TMEM132C: variants seen among roughly 807,000 people sequenced by gnomAD.
TMEM132C encodes protein phosphatase 1, regulatory subunit 152.
TMEM132C carries 29 observed loss-of-function variants against 61.4 expected under a neutral mutation model. The observed-to-expected ratio is 0.47, with a 90% CI of 0.35 to 0.64. TMEM132C has a LOEUF of 0.64. Ranked by LOEUF, TMEM132C falls within the 30% of genes least tolerant of loss-of-function variation. The probability of loss-of-function intolerance (pLI) is 0.00; values close to 1 mark genes in which losing one functional copy is unlikely to be tolerated. For synonymous variants in TMEM132C, 656 were observed against 633.1 expected (o/e 1.04, Z -0.54); for missense variants, 1,408 against 1,476.9 (o/e 0.95, Z 0.76).
chr12:128,666,070 AACACACAGGCACAC>A (rs1323337940), intron 4 of TMEM132C, among the ~76,000 whole-genome samples: 5 of 41,394 alleles, frequency 1.2e-4, no homozygotes, highest in Admixed American at 9.2e-4. Flanking sequence ...CTCATACACA[AACACACAGGCACAC>A]ACACACAGGC....
At chr12:128,585,811 T>G (rs1875523924) in intron 3 of TMEM132C, among the ~76,000 whole-genome samples, 1 of 152,230 alleles carries the variant, frequency 6.6e-6, no homozygotes, top group Non-Finnish European at 1.5e-5. Flanking sequence ...TACTGTAGAA[T>G]TCCACTTAGC....
chr12:128,501,480 A>C (rs912319995), intron 2 of TMEM132C, among the ~76,000 whole-genome samples: 1 of 152,182 alleles, frequency 6.6e-6, no homozygotes, highest in Non-Finnish European at 1.5e-5. Flanking sequence ...TCATCCTTAT[A>C]ATGGTTACAG....
At chr12:128,590,700 G>T (rs149371163) in intron 3 of TMEM132C, among the ~76,000 whole-genome samples, 2 of 152,212 alleles carry the variant, frequency 1.3e-5, no homozygotes, top group South Asian at 4.1e-4. Context: ...CTGTCCAGGG[G>T]CAAGGGGTGT....
Position 128,314,550 on chromosome 12 carries a change from TAG to T in TMEM132C, c.85+47066_85+47067del, listed in dbSNP as rs200785318. ...CCCAGAGTGTCACTTTAGCTGGAAA[TAG>T]AGTCATTGCAGATATAATTAGTTGA... On this transcript the variant is annotated intron_variant, in intron 1 of 8. Coordinates refer to ENST00000435159, the MANE Select transcript of TMEM132C (RefSeq NM_001136103.3). 6.6e-5 allele frequency among the ~76,000 whole-genome samples: 10 copies of T among 152,116 alleles called. No individual in the cohort carries two copies. In the East Asian group the frequency reaches 1.7e-3, roughly 26 times the overall value.
At chr12:128,334,761 A>G (rs1202305519) in intron 1 of TMEM132C, among the ~76,000 whole-genome samples, 1 of 151,914 alleles carries the variant, frequency 6.6e-6, no homozygotes, top group Non-Finnish European at 1.5e-5. Flanking sequence ...ATGCCTGGCT[A>G]ATTTTTTTGT....
At chr12:128,271,835 A>G (rs532236700) in intron 1 of TMEM132C, among the ~76,000 whole-genome samples, 2 of 152,376 alleles carry the variant, frequency 1.3e-5, no homozygotes, top group South Asian at 2.1e-4. Flanking sequence ...TAACACCTCC[A>G]TGAGCAGAGG....
chr12:128,387,140 CAA>C (rs34160455), intron 1 of TMEM132C, among the ~76,000 whole-genome samples: 14 of 85,616 alleles, frequency 1.6e-4, no homozygotes, highest in Middle Eastern at 6.2e-3. Flanking sequence ...GACTCTGCCT[CAA>C]AAAAAAAAAA....
At chr12:128,533,902 GCACACACATGCATACA>G (rs899048274) in intron 2 of TMEM132C, among the ~76,000 whole-genome samples, 7 of 151,450 alleles carry the variant, frequency 4.6e-5, no homozygotes, top group Admixed American at 2.0e-4. Flanking sequence ...TCCCATCCGT[GCACACACATGCATACA>G]CACACACATG....
intron 3 of TMEM132C, among the ~76,000 whole-genome samples, chr12:128,561,187 C>A (rs925395169): frequency 6.6e-6 from 1 of 152,206 alleles, no homozygotes; most frequent in Admixed American, 6.5e-5. Context: ...GTTTTTATGT[C>A]AATGTTGTAC....
intron 2 of TMEM132C, among the ~76,000 whole-genome samples, chr12:128,429,880 C>T (rs1869328742): frequency 6.6e-6 from 1 of 152,148 alleles, no homozygotes; most frequent in South Asian, 2.1e-4. Context: ...AATGTGGGGC[C>T]ACTGCTCCGT....
chr12:128,327,573 C>T (rs756294342), intron 1 of TMEM132C, among the ~76,000 whole-genome samples: 2 of 151,964 alleles, frequency 1.3e-5, no homozygotes, highest in African/African-American at 4.8e-5. Flanking sequence ...TTAGTAGAGA[C>T]GGGGTTTCAC....
In TMEM132C at chr12:128,693,939, C is replaced by A; in HGVS notation, c.1560C>A (p.Thr520=). Residue 520 remains threonine (T), a synonymous_variant, in exon 6 of 9, where the codon ACC becomes ACA. Coordinates refer to ENST00000435159, the MANE Select transcript of TMEM132C (RefSeq NM_001136103.3). ...YQYLSAPLCV[T]VWVPRLPLQI... is the part of the protein sequence containing the mutation. ...ACCTGAGCGCCCCCCTGTGTGTCAC[C>A]GTGTGGGTGCCCCGGCTGCCCCTGC... 6.4e-7 allele frequency: 1 copy of A among 1,551,716 alleles called. No homozygotes were observed.
intron 2 of TMEM132C, among the ~76,000 whole-genome samples, chr12:128,500,745 A>G (rs1489487922): frequency 6.6e-6 from 1 of 152,216 alleles, no homozygotes; most frequent in South Asian, 2.1e-4. Flanking sequence ...AACATGGTAC[A>G]AGATGCTATG....
At chr12:128,601,736 G>T (rs74329724) in intron 3 of TMEM132C, among the ~76,000 whole-genome samples, 3 of 146,894 alleles carry the variant, frequency 2.0e-5, no homozygotes, top group Non-Finnish European at 4.4e-5. Flanking sequence ...TGCAGTGGCG[G>T]TGGAGGGACA....
intron 2 of TMEM132C, among the ~76,000 whole-genome samples, chr12:128,447,881 C>T (rs1468054830): frequency 4.4e-5 from 6 of 136,836 alleles, no homozygotes; most frequent in East Asian, 4.2e-4. Context: ...CGCCCGCCAC[C>T]GCGCCCGGCT....
At position 128,292,755 on chromosome 12, in the gene TMEM132C, TAC is replaced by T. The variant is rs377277677; in HGVS notation, c.85+25269_85+25270del. On this transcript the variant is annotated intron_variant, in intron 1 of 8. Coordinates refer to ENST00000435159, the MANE Select transcript of TMEM132C (RefSeq NM_001136103.3). ...TGTACTTAGTACCTAGGTACCCTAG[TAC>T]CTAGATGAGGCACTTCATAAGTGTC... 1.5e-3 allele frequency among the ~76,000 whole-genome samples: 234 copies of T among 152,284 alleles called. 1 individual carries two copies. The highest frequency in any genetic ancestry group is 5.2e-3 in the African/African-American group (215 of 41,564).
chr12:128,306,260 A>G (rs1416809118), intron 1 of TMEM132C, among the ~76,000 whole-genome samples: 1 of 148,072 alleles, frequency 6.8e-6, no homozygotes, highest in Non-Finnish European at 1.5e-5. Context: ...GCTTGAGTAC[A>G]GTGGCGATCT....
intron 1 of TMEM132C, among the ~76,000 whole-genome samples, chr12:128,340,778 T>C (rs912809519): frequency 2.1e-5 from 3 of 142,698 alleles, no homozygotes; most frequent in African/African-American, 9.2e-5. Context: ...TATTTTTCTT[T>C]CTTTCTCTCT....
intron 5 of TMEM132C, among the ~76,000 whole-genome samples, chr12:128,675,942 G>A (rs1593144647): frequency 2.6e-5 from 4 of 152,080 alleles, no homozygotes; most frequent in Non-Finnish European, 5.9e-5. Flanking sequence ...CATATATCAA[G>A]GCCTTTTAAC....
Sources: allele counts gnomAD v4.1 joint callset (sites outside exome capture counted in the v4.1 genomes callset), GRCh38; gene constraint gnomAD v4.1.1; transcripts MANE v1.5; gene names NCBI Gene and HGNC (gene_info 2026-07-23, HGNC 2026-07-21).